Variants in RELN observed in about 807,000 individuals in gnomAD.
RELN encodes reelin.
A neutral mutation model predicts 427.6 loss-of-function variants in RELN; 108 were observed. That is an observed-to-expected ratio of 0.25 (90% confidence interval 0.22 to 0.30). RELN has a LOEUF of 0.30. Ranked by LOEUF, RELN falls within the 10% of genes least tolerant of loss-of-function variation. The pLI is 1.00. For synonymous variants in RELN, 1,524 were observed against 1,513.4 expected (o/e 1.01, Z -0.16); for missense variants, 3,715 against 4,302.8 (o/e 0.86, Z 3.82).
chr7:103,589,782 A>C lies in RELN; in HGVS notation c.3959T>G (p.Leu1320Arg). 6.2e-7 allele frequency: 1 copy of C among 1,613,528 alleles called. No individual in the cohort carries two copies. The highest frequency in any genetic ancestry group is 8.5e-7 in the Non-Finnish European group (1 of 1,179,432). Reference protein sequence around the residue: ...ANQFSSTAPVLLQYSHDAGMS... With the variant: ...ANQFSSTAPVRLQYSHDAGMS... ...ACCAGCATCATGAGAGTACTGAAGAAGAACTGGAGCAGTACTGCTGAATTG... is the reference window on the plus strand; with the variant it reads ...ACCAGCATCATGAGAGTACTGAAGACGAACTGGAGCAGTACTGCTGAATTG... The change falls in exon 28 of 65, where the codon CTT becomes CGT. Residue 1320 changes from leucine (L) to arginine (R), a missense_variant. Physicochemically the swap from Leu to Arg is moderately radical, Grantham distance 102. Transcript: ENST00000428762.
rs140690693 is a variant in RELN at position 103,896,056 on chromosome 7, G to C, written c.337+21019C>G. On this transcript the variant is annotated intron_variant, in intron 2 of 64. Transcript: ENST00000428762. ...ATTTGAACAGACCCTTGACAAAAGT[G>C]GCCATTAAGCACAGGAAAAAGTGCT... Among the ~76,000 whole-genome samples, 20 of 152,114 alleles carry C rather than the reference G, an allele frequency of 1.3e-4. No homozygotes were observed. In the East Asian group the frequency reaches 3.9e-3, roughly 29 times the overall value.
At chr7:103,612,421 A>T (rs1390294438) in intron 20 of RELN, among the ~76,000 whole-genome samples, 1 of 151,570 alleles carries the variant, frequency 6.6e-6, no homozygotes, top group Non-Finnish European at 1.5e-5. Flanking sequence ...GATTACAGGC[A>T]TGTGCCACCA....
At chr7:103,751,662 C>A (rs1462864082) in intron 5 of RELN, among the ~76,000 whole-genome samples, 1 of 152,246 alleles carries the variant, frequency 6.6e-6, no homozygotes, top group Non-Finnish European at 1.5e-5. Flanking sequence ...CTTGGCTGGG[C>A]CACTGCGGGT....
chr7:103,513,547 TTAG>T (rs1829481669), intron 50 of RELN: 2 of 152,314 alleles, frequency 1.3e-5, no homozygotes, highest in African/African-American at 4.8e-5. Context: ...AATATGACAC[TTAG>T]TAGTGGTGAG....
At chr7:103,777,914 C>CACACACACACACAA (rs71519159) in intron 3 of RELN, among the ~76,000 whole-genome samples, 2 of 151,830 alleles carry the variant, frequency 1.3e-5, no homozygotes, top group Non-Finnish European at 2.9e-5. Flanking sequence ...CACACACACA[C>CACACACACACACAA]AATGGCACAA....
chr7:103,699,386 G>C (rs1445038505), intron 9 of RELN, among the ~76,000 whole-genome samples: 1 of 152,096 alleles, frequency 6.6e-6, no homozygotes, highest in Non-Finnish European at 1.5e-5. Context: ...GCTTCAAAAA[G>C]AATTGAAATT....
intron 53 of RELN, among the ~76,000 whole-genome samples, chr7:103,500,468 T>C (rs1828989362): frequency 6.6e-6 from 1 of 152,034 alleles, no homozygotes; most frequent in African/African-American, 2.4e-5. Flanking sequence ...ACTTTAAAAA[T>C]AGTCTGCTTA....
chr7:103,910,991 A>G (rs1795351961), intron 2 of RELN, among the ~76,000 whole-genome samples: 2 of 140,268 alleles, frequency 1.4e-5, no homozygotes, highest in Non-Finnish European at 1.5e-5. Context: ...ACAAAAGCCA[A>G]AATTGACAAA....
chr7:103,871,275 C>A (rs1429820154), intron 2 of RELN, among the ~76,000 whole-genome samples: 1 of 151,816 alleles, frequency 6.6e-6, no homozygotes, highest in Non-Finnish European at 1.5e-5. Flanking sequence ...TGAAAGAAAC[C>A]ACTTTTCATT....
intron 4 of RELN, among the ~76,000 whole-genome samples, chr7:103,772,019 T>C (rs1791581577): frequency 6.6e-6 from 1 of 152,176 alleles, no homozygotes; most frequent in Non-Finnish European, 1.5e-5. Context: ...TCCCTGAGCA[T>C]TAACAGAAGG....
At position 103,503,101 on chromosome 7, in the gene RELN, C is replaced by G. The variant is rs772873306; in HGVS notation, c.8404G>C (p.Gly2802Arg). The stretch of plus-strand genomic sequence containing the variant: ...AATACAGATGGCTGAGAAACACTTC[C>G]AGAGCATTTTGGGTCAGCAGGCAAG... ...QCLPADPKCSGSVSQPSVFFP... is the reference protein window; with the variant it reads ...QCLPADPKCSRSVSQPSVFFP... Residue 2802 changes from glycine to arginine, a missense_variant, in exon 52 of 65, where the codon GGA becomes CGA. By Grantham distance (125) the Gly-to-Arg change is moderately radical (BLOSUM62 -2). Transcript: ENST00000428762. 6.2e-7 allele frequency: 1 copy of G among 1,614,114 alleles called. No individual in the cohort carries two copies. Among genetic ancestry groups the G allele is most frequent in the Non-Finnish European group, 8.5e-7 (1 of 1,180,004 alleles).
Position 103,741,029 on chromosome 7 carries a change from C to T in RELN, c.656+8397G>A, listed in dbSNP as rs1489871562. On this transcript the variant is annotated intron_variant, in intron 6 of 64. Coordinates refer to ENST00000428762, the MANE Select transcript of RELN (RefSeq NM_005045.4). Reference sequence around the variant, plus strand: ...GGGACCATGTTTGCCACAAGGATTCCCTTTTCCATACTGTTACAAAGCTCC... The same window carrying T: ...GGGACCATGTTTGCCACAAGGATTCTCTTTTCCATACTGTTACAAAGCTCC... Among the ~76,000 whole-genome samples, 22 of 152,164 alleles carry T rather than the reference C, an allele frequency of 1.4e-4. 1 individual carries two copies. Among genetic ancestry groups the T allele is most frequent in the Admixed American group, 1.4e-3 (22 of 15,286 alleles).
intron 10 of RELN, among the ~76,000 whole-genome samples, chr7:103,696,077 G>C (rs1294162365): frequency 6.6e-6 from 1 of 152,008 alleles, no homozygotes; most frequent in Admixed American, 6.6e-5. Context: ...AGTTTTTCTG[G>C]TGCTCAACTC....
chr7:103,709,818 T>C (rs1789749183), intron 8 of RELN, among the ~76,000 whole-genome samples: 1 of 152,204 alleles, frequency 6.6e-6, no homozygotes, highest in Non-Finnish European at 1.5e-5. Flanking sequence ...AAATATTGTT[T>C]TGCATTAATG....
At chr7:103,854,380 C>A (rs2116472697) in intron 2 of RELN, among the ~76,000 whole-genome samples, 1 of 152,264 alleles carries the variant, frequency 6.6e-6, no homozygotes, top group South Asian at 2.1e-4. Flanking sequence ...TGTTTCTGAT[C>A]AAATGTAGGC....
chr7:103,881,518 A>G (rs1430649858), intron 2 of RELN, among the ~76,000 whole-genome samples: 1 of 151,964 alleles, frequency 6.6e-6, no homozygotes, highest in Non-Finnish European at 1.5e-5. Context: ...CCTTTATGTC[A>G]TTGACCTACT....
intron 2 of RELN, among the ~76,000 whole-genome samples, chr7:103,871,318 A>T (rs1794328964): frequency 6.6e-6 from 1 of 152,104 alleles, no homozygotes; most frequent in South Asian, 2.1e-4. Flanking sequence ...TTATTTTTAT[A>T]TTGTAAGTAG....
At chr7:103,709,404 A>T (rs1158653121) in intron 8 of RELN, among the ~76,000 whole-genome samples, 1 of 152,232 alleles carries the variant, frequency 6.6e-6, no homozygotes, top group African/African-American at 2.4e-5. Context: ...GACTGCTTTA[A>T]TATTTCTTGT....
At chr7:103,971,348 A>T (rs1354142322) in intron 1 of RELN, among the ~76,000 whole-genome samples, 10 of 152,156 alleles carry the variant, frequency 6.6e-5, no homozygotes, top group Admixed American at 6.5e-4. Flanking sequence ...TACCTGTCAT[A>T]TATATTACAA....
Sources: gnomAD v4.1 joint callset for allele counts (sites outside exome capture counted in the v4.1 genomes callset) on GRCh38, gnomAD v4.1.1 for gene constraint, MANE v1.5 for transcripts, NCBI Gene and HGNC (gene_info 2026-07-23, HGNC 2026-07-21) for gene names.